The following SLC35F4 variants were observed in gnomAD, a reference collection of about 807,000 sequenced individuals.
SLC35F4 encodes the protein solute carrier family 35 member F4.
Under a neutral mutation model 44.2 loss-of-function variants are expected in SLC35F4, and 24 were observed. The observed-to-expected ratio is 0.54, with a 90% confidence interval of 0.39 to 0.76. SLC35F4 has a LOEUF of 0.76. Among genes scored for constraint, SLC35F4 ranks in the 30% least tolerant of loss-of-function variants. SLC35F4 has a pLI of 0.00. For missense variants in SLC35F4, 562 were observed against 586.1 expected, an observed-to-expected ratio of 0.96 and a Z score of 0.42; for synonymous variants, 238 against 223.6, an observed-to-expected ratio of 1.06 and a Z score of -0.57.
chr14:57,872,653 GT>G (rs1798530554), intron 1 of SLC35F4, among the ~76,000 whole-genome samples: 1 of 152,164 alleles, frequency 6.6e-6, no homozygotes, highest in Admixed American at 6.5e-5. Context: ...GGGGACAGAT[GT>G]AACACTGGGC....
chr14:57,590,581 C>G (rs1404789457), intron 2 of SLC35F4, among the ~76,000 whole-genome samples: 1 of 152,144 alleles, frequency 6.6e-6, no homozygotes, highest in African/African-American at 2.4e-5. Context: ...AGCCAAAACT[C>G]TCTAAAAGTG....
intron 1 of SLC35F4, among the ~76,000 whole-genome samples, chr14:57,687,739 C>A (rs1488101664): frequency 2.0e-5 from 3 of 152,108 alleles, no homozygotes; most frequent in African/African-American, 4.8e-5. Context: ...CCTTTACTGG[C>A]CTTACCTTAG....
intron 1 of SLC35F4, among the ~76,000 whole-genome samples, chr14:57,609,119 G>A (rs997118633): frequency 2.6e-5 from 4 of 152,164 alleles, no homozygotes; most frequent in South Asian, 2.1e-4. Flanking sequence ...TCTGTTATGC[G>A]GGAGGTAGGG....
chr14:57,679,739 T>C (rs1331811827), intron 1 of SLC35F4, among the ~76,000 whole-genome samples: 1 of 152,008 alleles, frequency 6.6e-6, no homozygotes, highest in East Asian at 1.9e-4. Flanking sequence ...GAGAATACTA[T>C]AAACACCTCT....
chr14:57,882,065 C>T (rs1186443552), intron 1 of SLC35F4, among the ~76,000 whole-genome samples: 1 of 152,120 alleles, frequency 6.6e-6, no homozygotes, highest in Non-Finnish European at 1.5e-5. Context: ...CTAAGTAGTC[C>T]ACCTGTAGCC....
chr14:57,889,509 G>T (rs746657821), intron 1 of SLC35F4, among the ~76,000 whole-genome samples: 11 of 152,320 alleles, frequency 7.2e-5, no homozygotes, highest in South Asian at 2.1e-4. Flanking sequence ...GAGGCCCAGG[G>T]GCAGAACAGC....
chr14:57,953,865 C>T (rs1344485053), intron 1 of SLC35F4, among the ~76,000 whole-genome samples: 1 of 152,136 alleles, frequency 6.6e-6, no homozygotes, highest in Non-Finnish European at 1.5e-5. Flanking sequence ...TTAGACAGAT[C>T]AATGAGACAG....
At chr14:57,723,144 G>A (rs1389556078) in intron 1 of SLC35F4, among the ~76,000 whole-genome samples, 1 of 152,146 alleles carries the variant, frequency 6.6e-6, no homozygotes, top group African/African-American at 2.4e-5. Flanking sequence ...GCTTATGGAG[G>A]TCAGGTAATT....
chr14:57,910,968 T>TCATCATGTA (rs1889206852), intron 1 of SLC35F4, among the ~76,000 whole-genome samples: 1 of 152,032 alleles, frequency 6.6e-6, no homozygotes, highest in African/African-American at 2.4e-5. Context: ...TTTGTGGTTG[T>TCATCATGTA]CATCATGTAA....
chr14:57,840,006 C>T (rs1469370780), intron 1 of SLC35F4, among the ~76,000 whole-genome samples: 1 of 152,152 alleles, frequency 6.6e-6, no homozygotes, highest in Non-Finnish European at 1.5e-5. Flanking sequence ...AATAATGACA[C>T]TAATAATAAT....
intron 4 of SLC35F4, among the ~76,000 whole-genome samples, chr14:57,572,724 A>T (rs1169808747): frequency 6.6e-6 from 1 of 152,234 alleles, no homozygotes; most frequent in Non-Finnish European, 1.5e-5. Flanking sequence ...ATAAAGTGAA[A>T]TATTCATAAT....
chr14:57,664,078 A>G (rs2074229396), intron 1 of SLC35F4, among the ~76,000 whole-genome samples: 1 of 152,188 alleles, frequency 6.6e-6, no homozygotes, highest in South Asian at 2.1e-4. Context: ...AAATATTAAT[A>G]TCTTTAAACT....
At chr14:57,780,533 G>A (rs1418480097) in intron 1 of SLC35F4, among the ~76,000 whole-genome samples, 2 of 152,052 alleles carry the variant, frequency 1.3e-5, no homozygotes, top group Non-Finnish European at 2.9e-5. Flanking sequence ...TACAGATTCA[G>A]TGTTGTTCCT....
In SLC35F4 at chr14:57,778,217, T is replaced by C. The variant is rs375359751; in HGVS notation, c.103+87506A>G. On this transcript the variant is annotated intron_variant, in intron 1 of 7. Transcript: ENST00000556826. The stretch of plus-strand genomic sequence containing the variant: ...TTGCCTTCTGCCATGATTGTGGCTA[T>C]GCCAGCCACATGGAACTATAAGCCC... Among the ~76,000 whole-genome samples the C allele has an allele frequency of 3.9e-5, 6 of 152,360 alleles. No individual in the cohort carries two copies. In the South Asian group the frequency reaches 1.2e-3, roughly 32 times the overall value.
At chr14:57,806,535 G>A (rs8017627) in intron 1 of SLC35F4, among the ~76,000 whole-genome samples, 69,319 of 151,958 alleles carry the variant, frequency 0.46, 17,878 homozygotes, top group African/African-American at 0.69. Context: ...TGTAATCTCA[G>A]AAATAGTTAG....
chr14:57,843,262 C>A lies in SLC35F4; in HGVS notation c.103+22461G>T, dbSNP rs573463319. 3.3e-5 allele frequency among the ~76,000 whole-genome samples: 5 copies of A among 152,182 alleles called. No homozygotes were observed. The South Asian group carries it at 1.0e-3, about 32-fold the overall frequency. On this transcript the variant is annotated intron_variant, in intron 1 of 7. Transcript: ENST00000556826. Reference sequence around the variant, plus strand: ...ATTAGTTCTGTCCCTCTAAAGAACCCTGACTGATACACTGTCCTTCCTCTA... The same window carrying A: ...ATTAGTTCTGTCCCTCTAAAGAACCATGACTGATACACTGTCCTTCCTCTA...
intron 1 of SLC35F4, among the ~76,000 whole-genome samples, chr14:57,772,171 C>CAAAATGCCATGACTTAGCCGAAGAGGAG (rs1380323149): frequency 1.3e-5 from 2 of 152,168 alleles, no homozygotes; most frequent in Non-Finnish European, 2.9e-5. Context: ...TGTCAGAAAG[C>CAAAATGCCATGACTTAGCCGAAGAGGAG]AAAATGCCAT....
At chr14:57,730,174 C>T (rs935375374) in intron 1 of SLC35F4, among the ~76,000 whole-genome samples, 1 of 152,182 alleles carries the variant, frequency 6.6e-6, no homozygotes, top group African/African-American at 2.4e-5. Flanking sequence ...AAACCAGGTA[C>T]TGTTATTGCT....
In SLC35F4 at chr14:57,833,049, G is replaced by T. The variant is rs75738855; in HGVS notation, c.103+32674C>A. On this transcript the variant is annotated intron_variant, in intron 1 of 7. Transcript: ENST00000556826. ...GGTGTCCCTGAAATAACATTAATTAGGCAAACTAAAATCACATATGCATAA... is the reference window on the plus strand; with the variant it reads ...GGTGTCCCTGAAATAACATTAATTATGCAAACTAAAATCACATATGCATAA... Among the ~76,000 whole-genome samples, 225 of 152,212 alleles carry T rather than the reference G, an allele frequency of 1.5e-3. 2 individuals carry two copies. The highest frequency in any genetic ancestry group is 2.1e-3 in the Non-Finnish European group (145 of 68,018).
Sources: allele counts gnomAD v4.1 joint callset (sites outside exome capture counted in the v4.1 genomes callset), GRCh38; gene constraint gnomAD v4.1.1; transcripts MANE v1.5; gene names NCBI Gene and HGNC (gene_info 2026-07-23, HGNC 2026-07-21).